The following TANGO6 variants were observed in gnomAD, a reference collection of about 807,000 sequenced individuals.
TANGO6 encodes transport and Golgi organization protein 6 homolog.
In TANGO6, 90 loss-of-function variants were observed where a neutral mutation model predicts 114.2. The observed-to-expected ratio is 0.79, with a 90% CI of 0.66 to 0.94. The LOEUF (loss-of-function observed/expected upper bound fraction) is 0.94, where lower values mean the gene tolerates loss of function less well. TANGO6 is among the 40% of genes least tolerant of loss of function. The pLI, the probability that TANGO6 is intolerant of heterozygous loss-of-function variation, is 0.00. For synonymous variants in TANGO6, 477 were observed against 509.8 expected, an observed-to-expected ratio of 0.94 and a Z score of 0.87; for missense variants, 1,274 against 1,315.3, an observed-to-expected ratio of 0.97 and a Z score of 0.49.
intron 14 of TANGO6, chr16:68,934,019 G>A (rs552131826): frequency 2.6e-5 from 4 of 152,858 alleles, no homozygotes; most frequent in African/African-American, 9.7e-5. Context: ...AGCAAAGAAG[G>A]CCTGAGCCTT....
At chr16:69,028,780 T>A (rs1269854397) in intron 16 of TANGO6, among the ~76,000 whole-genome samples, 1 of 147,744 alleles carries the variant, frequency 6.8e-6, no homozygotes, top group African/African-American at 2.5e-5. Flanking sequence ...CTCGAACTCC[T>A]GGGCTGAAGT....
chr16:68,877,914 T>C (rs57178977), intron 5 of TANGO6, among the ~76,000 whole-genome samples: 3 of 151,952 alleles, frequency 2.0e-5, no homozygotes, highest in Non-Finnish European at 4.4e-5. Flanking sequence ...GGCCAAAAAA[T>C]TTTTTTAATT....
chr16:68,936,623 C>T (rs1412358015), intron 14 of TANGO6, among the ~76,000 whole-genome samples: 2 of 152,158 alleles, frequency 1.3e-5, no homozygotes, highest in African/African-American at 4.8e-5. Context: ...GCGTGAGCCA[C>T]CGCACCCTGC....
chr16:69,005,788 C>CAA (rs57025707), intron 15 of TANGO6, among the ~76,000 whole-genome samples: 5 of 86,942 alleles, frequency 5.8e-5, no homozygotes, highest in Admixed American at 1.3e-4. Flanking sequence ...AACTTCATCT[C>CAA]AAAAAAAAAA....
intron 7 of TANGO6, among the ~76,000 whole-genome samples, chr16:68,892,252 C>G (rs1962632976): frequency 6.6e-6 from 1 of 152,146 alleles, no homozygotes; most frequent in Non-Finnish European, 1.5e-5. Flanking sequence ...TGCAGAGCAG[C>G]CCTCTAAGCT....
At chr16:68,895,285 G>A (rs187374191) in intron 7 of TANGO6, among the ~76,000 whole-genome samples, 1 of 152,242 alleles carries the variant, frequency 6.6e-6, no homozygotes, top group East Asian at 1.9e-4. Context: ...GAAGGTGTAG[G>A]TTGCACTGAG....
chr16:69,040,350 G>A lies in TANGO6; in HGVS notation c.3037G>A (p.Val1013Ile). Residue 1013 changes from valine (V) to isoleucine (I), a missense_variant, in exon 17 of 18, where the codon GTT becomes ATT. Val to Ile is a conservative substitution (Grantham distance 29). Around this residue, in one of 5 missense-constraint regions of TANGO6, gnomAD observed 238 missense variants for 252.9 expected, o/e 0.94. Coordinates refer to ENST00000261778, the MANE Select transcript of TANGO6 (RefSeq NM_024562.2). ...LIAVAKTDGE[V>I]QVRRAAIHVV... ...TGCTGTGGCCAAAACAGATGGTGAA[G>A]TTCAAGTACGCAGAGCTGCCATACA... 1 of 1,609,370 alleles carries A rather than the reference G, an allele frequency of 6.2e-7. No homozygotes were observed. The highest frequency in any genetic ancestry group is 1.1e-5 in the South Asian group (1 of 89,570).
chr16:69,051,945 T>TC (rs1959955763), intron 17 of TANGO6, among the ~76,000 whole-genome samples: 1 of 150,854 alleles, frequency 6.6e-6, no homozygotes, highest in African/African-American at 2.4e-5. Context: ...TCTTTCTTTT[T>TC]CTTTTTTTTT....
intron 17 of TANGO6, among the ~76,000 whole-genome samples, chr16:69,076,088 C>CTTTTTTTTTT (rs34844519): frequency 5.8e-5 from 5 of 85,684 alleles, no homozygotes; most frequent in African/African-American, 9.7e-5. Context: ...TATTTCATTT[C>CTTTTTTTTTT]TTTTTTTTTT....
In TANGO6 at chr16:68,974,049, T is replaced by C; in HGVS notation, c.2723T>C (p.Val908Ala). ...AIQGVALLSD[V>A]YPEKILPDLL... is the part of the protein sequence containing the mutation. ...CCAGGGGTTGCCCTGCTGTCAGACG[T>C]CTATCCTGAGAAAATCTTGCCGGAC... is the stretch of plus-strand genomic sequence containing the variant. Residue 908 changes from valine to alanine, a missense_variant, in exon 15 of 18, where the codon GTC becomes GCC. This residue lies in a region of TANGO6 where 238 missense variants were observed against 252.9 expected (regional missense o/e 0.94). Coordinates refer to ENST00000261778, the MANE Select transcript of TANGO6 (RefSeq NM_024562.2). 6.2e-7 allele frequency: 1 copy of C among 1,610,928 alleles called. No homozygotes were observed. Among genetic ancestry groups the C allele is most frequent in the Non-Finnish European group, 8.5e-7 (1 of 1,178,696 alleles).
chr16:68,969,607 T>C (rs1031491679), intron 14 of TANGO6, among the ~76,000 whole-genome samples: 13 of 151,908 alleles, frequency 8.6e-5, no homozygotes, highest in Non-Finnish European at 1.6e-4. Flanking sequence ...GAAACTGGGC[T>C]TTGCTTTGGG....
At chr16:68,928,119 G>A (rs1014112432) in intron 13 of TANGO6, 36 bp downstream of exon 13, 2 of 1,513,148 alleles carry the variant, frequency 1.3e-6, no homozygotes, top group African/African-American at 1.4e-5. Flanking sequence ...CATGGGCACA[G>A]GGTGGGGCAT....
At chr16:69,052,812 AAATAAT>A (rs1959972533) in intron 17 of TANGO6, among the ~76,000 whole-genome samples, 1 of 152,058 alleles carries the variant, frequency 6.6e-6, no homozygotes, top group Middle Eastern at 3.2e-3. Flanking sequence ...TATAAAATGG[AAATAAT>A]AATAATAGTG....
chr16:68,901,512 G>A (rs1183296085), intron 8 of TANGO6, among the ~76,000 whole-genome samples: 5 of 152,020 alleles, frequency 3.3e-5, no homozygotes, highest in East Asian at 1.9e-4. Context: ...TTTTTGAGAC[G>A]GAGTCTCGCT....
At chr16:69,075,589 G>T (rs1960361985) in intron 17 of TANGO6, among the ~76,000 whole-genome samples, 1 of 151,314 alleles carries the variant, frequency 6.6e-6, no homozygotes, top group African/African-American at 2.4e-5. Flanking sequence ...GAGTAGCTGG[G>T]ACTACAGGCA....
chr16:68,850,116 G>C (rs999325304), intron 1 of TANGO6, among the ~76,000 whole-genome samples: 1 of 151,830 alleles, frequency 6.6e-6, no homozygotes, highest in Non-Finnish European at 1.5e-5. Flanking sequence ...TGGGACTACA[G>C]GCATGTGCCA....
chr16:68,909,498 A>T (rs1372026668), intron 11 of TANGO6, 96 bp downstream of exon 11: 1 of 1,147,872 alleles, frequency 8.7e-7, no homozygotes, highest in Non-Finnish European at 1.1e-6. Context: ...TGACACCTGG[A>T]TCATGAGGTG....
At chr16:68,931,962 C>G (rs1403915763) in intron 14 of TANGO6, among the ~76,000 whole-genome samples, 1 of 152,024 alleles carries the variant, frequency 6.6e-6, no homozygotes, top group African/African-American at 2.4e-5. Flanking sequence ...TCAAGCGATT[C>G]TTGTGTCTCA....
In TANGO6 at chr16:68,927,660, C is replaced by T. The variant is rs369216490; in HGVS notation, c.2220C>T (p.Leu740=). The T allele has an allele frequency of 4.3e-6, 7 of 1,613,884 alleles. No homozygotes were observed. Among genetic ancestry groups the T allele is most frequent in the Non-Finnish European group, 5.9e-6 (7 of 1,179,910 alleles). The change falls in exon 13 of 18, where the codon CTC becomes CTT. Residue 740 remains leucine (L), a synonymous_variant. Coordinates refer to ENST00000261778, the MANE Select transcript of TANGO6 (RefSeq NM_024562.2). ...ACCCTGATCCGGTCATCCAAGAACT[C>T]GCTGTTGATCTCCGCATCACCATCT... The part of the protein sequence containing the change: ...NTYPDPVIQE[L]AVDLRITIST...
Sources: allele counts gnomAD v4.1 joint callset (sites outside exome capture counted in the v4.1 genomes callset), GRCh38; gene constraint gnomAD v4.1.1; regional missense constraint gnomAD v4.1.1; transcripts MANE v1.5; gene names NCBI Gene and HGNC (gene_info 2026-07-23, HGNC 2026-07-21).